CDH13: variants seen among roughly 807,000 people sequenced by gnomAD.
CDH13 encodes cadherin-13.
A neutral mutation model predicts 63.8 loss-of-function variants in CDH13; 24 were observed. The ratio of observed to expected loss-of-function variants is 0.38; its 90% CI spans 0.27 to 0.53. CDH13 has a LOEUF of 0.53. Among genes scored for constraint, CDH13 ranks in the 20% least tolerant of loss-of-function variants. The pLI is 0.85. For synonymous variants in CDH13, 503 were observed against 355.3 expected (o/e 1.42, Z -4.67); for missense variants, 1,049 against 903.1 (o/e 1.16, Z -2.07).
chr16:82,775,092 A>C (rs2035436016), intron 1 of CDH13, among the ~76,000 whole-genome samples: 3 of 152,196 alleles, frequency 2.0e-5, no homozygotes. Flanking sequence ...AGATGTCTCT[A>C]CCACTCACTT....
At chr16:82,724,761 G>C (rs999410936) in intron 1 of CDH13, among the ~76,000 whole-genome samples, 2 of 152,162 alleles carry the variant, frequency 1.3e-5, no homozygotes, top group Admixed American at 6.5e-5. Context: ...AAGGCACCCA[G>C]ATGATCCAAG....
intron 5 of CDH13, among the ~76,000 whole-genome samples, chr16:83,223,652 C>A (rs1168755321): frequency 6.6e-6 from 1 of 152,220 alleles, no homozygotes; most frequent in Non-Finnish European, 1.5e-5. Context: ...TCCCGCCACT[C>A]ACTTCCATCC....
chr16:83,086,069 G>A (rs915960938), intron 3 of CDH13, among the ~76,000 whole-genome samples: 1 of 152,244 alleles, frequency 6.6e-6, no homozygotes, highest in East Asian at 1.9e-4. Flanking sequence ...AGGCACCAGG[G>A]CCTTTGCATG....
rs1555564259 is a variant in CDH13, at chr16:83,511,092, A to ACATGCACG, written c.960+24444_960+24445insGCATGCAC. ...CACACACATGCACGCATGCACACAC[A>ACATGCACG]CATGCACACATGCACGCATGCACAC... On this transcript the variant is annotated intron_variant, in intron 7 of 13. Transcript: ENST00000567109. Among the ~76,000 whole-genome samples, 100 of 49,262 alleles carry ACATGCACG rather than the reference A, an allele frequency of 2.0e-3. 1 individual carries two copies. The highest frequency in any genetic ancestry group is 7.3e-3 in the African/African-American group (95 of 13,054). The allele number at this position is 49,262 out of a possible 152,430, so 32.3% of individuals were successfully genotyped here. A position where few individuals can be genotyped will look rare whatever the true frequency, so the allele number is the denominator to read the frequency against.
intron 8 of CDH13, among the ~76,000 whole-genome samples, chr16:83,627,291 G>C (rs768329684): frequency 1.3e-5 from 2 of 151,818 alleles, no homozygotes; most frequent in Non-Finnish European, 2.9e-5. Context: ...CTCCGTCTCC[G>C]GGGAAGAAAA....
At chr16:83,443,705 GAAAAAAAAAAAAA>G (rs1167862979) in intron 6 of CDH13, among the ~76,000 whole-genome samples, 11 of 107,116 alleles carry the variant, frequency 1.0e-4, no homozygotes, top group African/African-American at 4.6e-4. Flanking sequence ...AAGTCCCTAC[GAAAAAAAAAAAAA>G]AAAAAAAAAA....
At chr16:82,757,626 T>C (rs2034662790) in intron 1 of CDH13, among the ~76,000 whole-genome samples, 1 of 151,850 alleles carries the variant, frequency 6.6e-6, no homozygotes, top group Admixed American at 6.5e-5. Context: ...GCTTTGGTAA[T>C]AACGCCATAG....
chr16:83,216,443 T>TATAAATATATATATATAC (rs1472700247), intron 4 of CDH13, among the ~76,000 whole-genome samples: 1 of 93,420 alleles, frequency 1.1e-5, no homozygotes, highest in Non-Finnish European at 2.2e-5. Flanking sequence ...TATATATATA[T>TATAAATATATATATATAC]ACACAACCCT....
chr16:82,850,897 C>G (rs2039454133), intron 1 of CDH13, among the ~76,000 whole-genome samples: 1 of 152,120 alleles, frequency 6.6e-6, no homozygotes, highest in Admixed American at 6.5e-5. Flanking sequence ...AGAAATAATG[C>G]TATTGCATAC....
chr16:83,290,959 C>A (rs574462273), intron 5 of CDH13, among the ~76,000 whole-genome samples: 21 of 152,292 alleles, frequency 1.4e-4, no homozygotes, highest in African/African-American at 5.1e-4. Flanking sequence ...CGTGAGGAGC[C>A]TCCTTCCACT....
chr16:83,167,528 C>G (rs72800253), intron 4 of CDH13, among the ~76,000 whole-genome samples: 25,531 of 135,056 alleles, frequency 0.19, 2,377 homozygotes, highest in South Asian at 0.22. Context: ...AAAAGCATTA[C>G]AAGTTGGAGT....
chr16:83,403,314 T>C (rs532403646), intron 6 of CDH13, among the ~76,000 whole-genome samples: 1 of 152,196 alleles, frequency 6.6e-6, no homozygotes, highest in South Asian at 2.1e-4. Flanking sequence ...ATCCTGAGAC[T>C]TGGAGGAAAT....
At chr16:83,728,216 G>A (rs138986020) in intron 10 of CDH13, among the ~76,000 whole-genome samples, 1 of 152,138 alleles carries the variant, frequency 6.6e-6, no homozygotes, top group Non-Finnish European at 1.5e-5. Flanking sequence ...TCTTTGATGT[G>A]CACACTGGGC....
chr16:83,444,237 G>T (rs578162137), intron 6 of CDH13, among the ~76,000 whole-genome samples: 3 of 152,154 alleles, frequency 2.0e-5, no homozygotes, highest in East Asian at 1.9e-4. Flanking sequence ...TGATGATGAT[G>T]ATGACGATGA....
At chr16:83,067,812 C>T (rs190246015) in intron 3 of CDH13, among the ~76,000 whole-genome samples, 1 of 152,288 alleles carries the variant, frequency 6.6e-6, no homozygotes, top group African/African-American at 2.4e-5. Flanking sequence ...GCCTGCTGTT[C>T]CTGCCCCTCT....
intron 5 of CDH13, among the ~76,000 whole-genome samples, chr16:83,324,023 G>A (rs77405040): frequency 1.5e-5 from 2 of 132,114 alleles, no homozygotes; most frequent in Non-Finnish European, 3.2e-5. Flanking sequence ...ATCATCACAG[G>A]TTTATTTCTT....
At chr16:83,447,756 A>G (rs2072754645) in intron 6 of CDH13, among the ~76,000 whole-genome samples, 2 of 148,970 alleles carry the variant, frequency 1.3e-5, no homozygotes, top group African/African-American at 4.9e-5. Flanking sequence ...TTTATATTAT[A>G]TATATTAAAT....
chr16:82,780,189 GAAA>G (rs923281845), intron 1 of CDH13, among the ~76,000 whole-genome samples: 1 of 151,938 alleles, frequency 6.6e-6, no homozygotes, highest in African/African-American at 2.4e-5. Flanking sequence ...ATATATTTAA[GAAA>G]AAAACCCCAC....
intron 5 of CDH13, among the ~76,000 whole-genome samples, chr16:83,227,330 G>T (rs1002264136): frequency 3.3e-5 from 5 of 152,326 alleles, no homozygotes; most frequent in South Asian, 4.1e-4. Context: ...CCTGATAAGG[G>T]AGGAGGCAGC....
Sources: gnomAD v4.1 joint callset for allele counts (sites outside exome capture counted in the v4.1 genomes callset) on GRCh38, gnomAD v4.1.1 for gene constraint, MANE v1.5 for transcripts, NCBI Gene and HGNC (gene_info 2026-07-23, HGNC 2026-07-21) for gene names.